The following TRMT11 variants were observed in gnomAD, a reference collection of about 807,000 sequenced individuals.
TRMT11 encodes the protein tRNA methyltransferase 11, also known as tRNA (guanine(10)-N(2))-methyltransferase TRMT11.
Under a neutral mutation model 62.8 loss-of-function variants are expected in TRMT11, and 53 were observed. The ratio of observed to expected loss-of-function variants is 0.84; its 90% CI spans 0.68 to 1.06. The LOEUF (loss-of-function observed/expected upper bound fraction) is 1.06, where lower values mean the gene tolerates loss of function less well. TRMT11 is among the 50% of genes least tolerant of loss of function. TRMT11 has a pLI of 0.00. For synonymous variants in TRMT11, 188 were observed against 190.3 expected (o/e 0.99, Z 0.10); for missense variants, 556 against 553.4 (o/e 1.00, Z -0.05).
At chr6:126,174,542 A>G (rs540481109), upstream of TRMT11, among the ~76,000 whole-genome samples, 6 of 152,326 alleles carry the variant, frequency 3.9e-5, no homozygotes, top group East Asian at 5.8e-4. Context: ...GCTTGCCTAT[A>G]TGGCACTTAG....
intron 21 of TRMT11, among the ~76,000 whole-genome samples, chr6:126,131,235 G>T (rs1402134355): frequency 6.6e-6 from 1 of 152,022 alleles, no homozygotes; most frequent in Non-Finnish European, 1.5e-5. Flanking sequence ...CTGGACAAGA[G>T]AATTGGTGTT....
chr6:125,997,919 C>T, intron 3 of TRMT11, 134 bp from the exon 4 acceptor site: 1 of 602,294 alleles, frequency 1.7e-6, no homozygotes. Flanking sequence ...TCTAAAATAA[C>T]CGATTCATTT....
chr6:126,221,674 G>A, the TRMT11 span, among the ~76,000 whole-genome samples: 2 of 152,082 alleles, frequency 1.3e-5, no homozygotes, highest in Non-Finnish European at 2.9e-5. Flanking sequence ...TAGTTTGCAA[G>A]TATTTTCTCC....
intron 12 of TRMT11, among the ~76,000 whole-genome samples, chr6:126,026,296 T>G (rs58540415): frequency 0.017 from 2,603 of 152,308 alleles, 62 homozygotes; most frequent in African/African-American, 0.06. Flanking sequence ...TTCTGTGTCG[T>G]TTTTTTCTAC....
intron 21 of TRMT11, among the ~76,000 whole-genome samples, chr6:126,144,717 G>C (rs975434183): frequency 6.6e-6 from 1 of 152,122 alleles, no homozygotes; most frequent in African/African-American, 2.4e-5. Context: ...TCCTTGTCAG[G>C]AAGGTACTAA....
At chr6:126,175,005 G>A (rs1778369551), upstream of TRMT11, among the ~76,000 whole-genome samples, 1 of 152,188 alleles carries the variant, frequency 6.6e-6, no homozygotes, top group Admixed American at 6.5e-5. Context: ...CATATTGTAT[G>A]TGCAAAGTTG....
chr6:126,220,465 A>G, the TRMT11 span, among the ~76,000 whole-genome samples: 1 of 152,170 alleles, frequency 6.6e-6, no homozygotes, highest in Admixed American at 6.5e-5. Context: ...CTAGGAAAAA[A>G]TGGTTAACCA....
intron 1 of TRMT11, among the ~76,000 whole-genome samples, chr6:126,178,776 G>T (rs1261220919): frequency 6.6e-6 from 1 of 152,026 alleles, no homozygotes; most frequent in Non-Finnish European, 1.5e-5. Context: ...GCATAAACCT[G>T]GCTAGCAGCT....
At chr6:126,129,195 T>C (rs1328060158) in intron 21 of TRMT11, among the ~76,000 whole-genome samples, 4 of 152,130 alleles carry the variant, frequency 2.6e-5, no homozygotes, top group Non-Finnish European at 4.4e-5. Context: ...TCTCTGACAT[T>C]GTCCCCTTTC....
chr6:126,253,144 A>G, the TRMT11 span, among the ~76,000 whole-genome samples: 57 of 152,178 alleles, frequency 3.7e-4, no homozygotes, highest in East Asian at 8.5e-3. Context: ...ATACATATGT[A>G]CATTATTTGG....
chr6:126,247,707 A>G, the TRMT11 span, among the ~76,000 whole-genome samples: 1 of 151,620 alleles, frequency 6.6e-6, no homozygotes, highest in East Asian at 1.9e-4. Context: ...TCTCTTAGAA[A>G]TTGGGATAAA....
At chr6:126,239,715 T>C in the TRMT11 span, among the ~76,000 whole-genome samples, 8 of 152,190 alleles carry the variant, frequency 5.3e-5, no homozygotes, top group Non-Finnish European at 1.2e-4. Flanking sequence ...GGAGTATCTT[T>C]GTGGCATTCT....
intron 21 of TRMT11, among the ~76,000 whole-genome samples, chr6:126,151,031 A>G (rs1319632836): frequency 6.6e-6 from 1 of 152,194 alleles, no homozygotes; most frequent in African/African-American, 2.4e-5. Context: ...TTTCTTAAGA[A>G]AGGACTTTAA....
chr6:126,027,911 C>G (rs1773494777), intron 12 of TRMT11, among the ~76,000 whole-genome samples: 1 of 152,050 alleles, frequency 6.6e-6, no homozygotes, highest in South Asian at 2.1e-4. Context: ...ATAATAGACA[C>G]TGAGGTCACT....
rs12055764 is a variant in TRMT11 at position 125,995,824 on chromosome 6, G to A, written c.139-143G>A. 1,323 of 619,058 alleles carry A rather than the reference G, an allele frequency of 2.1e-3. 29 individuals carry two copies. The East Asian group carries it at 0.036, about 17-fold the overall frequency. The allele number at this position is 619,058 out of a possible 1,614,324, so 38.3% of individuals were successfully genotyped here. On this transcript the variant is annotated intron_variant, in intron 2 of 12. Transcript: ENST00000334379. The stretch of plus-strand genomic sequence containing the variant: ...TAATTTACTTTTTTACTATTGGAAC[G>A]ATTTTTATTTTGGTTACAGTCAGAT...
chr6:126,260,630 C>A, the TRMT11 span, among the ~76,000 whole-genome samples: 1 of 152,180 alleles, frequency 6.6e-6, no homozygotes, highest in African/African-American at 2.4e-5. Context: ...GTGATGAATT[C>A]TCTCAGGCTT....
chr6:125,991,231 G>GT (rs1427210878), intron 1 of TRMT11, among the ~76,000 whole-genome samples: 1 of 149,052 alleles, frequency 6.7e-6, no homozygotes, highest in Non-Finnish European at 1.5e-5. Context: ...GGGTGACAGT[G>GT]TGAGACTCCA....
chr6:126,010,280 G>A (rs62426450), intron 8 of TRMT11, among the ~76,000 whole-genome samples: 4,715 of 151,994 alleles, frequency 0.031, 105 homozygotes, highest in Non-Finnish European at 0.048. Flanking sequence ...CTTGACAGTG[G>A]TCTTGGCAGG....
chr6:126,246,372 C>CTAGTTAAT, the TRMT11 span, among the ~76,000 whole-genome samples: 1 of 152,156 alleles, frequency 6.6e-6, no homozygotes, highest in South Asian at 2.1e-4. Context: ...TCAGCTCTCA[C>CTAGTTAAT]TAGTTAATTA....
Sources: allele counts gnomAD v4.1 joint callset (sites outside exome capture counted in the v4.1 genomes callset), GRCh38; gene constraint gnomAD v4.1.1; transcripts MANE v1.5; gene names NCBI Gene and HGNC (gene_info 2026-07-23, HGNC 2026-07-21).